ATAD3B: variants seen among roughly 807,000 people sequenced by gnomAD.
ATAD3B encodes the protein ATPase family AAA domain-containing protein 3B.
In ATAD3B, 59 loss-of-function variants were observed where a neutral mutation model predicts 70.2. The observed-to-expected ratio is 0.84, with a 90% CI of 0.68 to 1.04. ATAD3B has a LOEUF of 1.04. Ranked by LOEUF, ATAD3B falls within the 50% of genes least tolerant of loss-of-function variation. The pLI is 0.00. For synonymous variants in ATAD3B, 423 were observed against 388.6 expected, an observed-to-expected ratio of 1.09 and a Z score of -1.04; for missense variants, 961 against 913.4, an observed-to-expected ratio of 1.05 and a Z score of -0.67.
At chr1:1,484,144 T>C (rs1379809942) in intron 7 of ATAD3B, 1 of 151,880 alleles carries the variant, frequency 6.6e-6, no homozygotes, top group Non-Finnish European at 1.5e-5. Flanking sequence ...ATAACGAAAG[T>C]TTTTGCGAAA....
At chr1:1,506,572 T>G in the ATAD3B span, among the ~76,000 whole-genome samples, 1 of 151,884 alleles carries the variant, frequency 6.6e-6, no homozygotes, top group South Asian at 2.1e-4. Flanking sequence ...GTTTTCATTG[T>G]ACAAGTCTTT....
Position 1,489,245 on chromosome 1 carries a change from C to T in ATAD3B, c.1308C>T (p.Phe436=), listed in dbSNP as rs1640397303. Reference sequence around the variant, plus strand: ...ACCTCAGAGCCACACTGAACGCCTTCCTGTACCACATGGGCCAACACAGCA... The same window carrying T: ...ACCTCAGAGCCACACTGAACGCCTTTCTGTACCACATGGGCCAACACAGCA... ...SKDLRATLNA[F]LYHMGQHSNK... Residue 436 remains phenylalanine (F), a synonymous_variant, in exon 13 of 16, where the codon TTC becomes TTT. Coordinates refer to ENST00000673477, the MANE Select transcript of ATAD3B (RefSeq NM_031921.6). 1 of 1,613,596 alleles carries T rather than the reference C, an allele frequency of 6.2e-7. No individual in the cohort carries two copies. Among genetic ancestry groups the T allele is most frequent in the Non-Finnish European group, 8.5e-7 (1 of 1,179,642 alleles).
intron 5 of ATAD3B, among the ~76,000 whole-genome samples, 181 bp from the exon 6 acceptor site, chr1:1,481,957 T>TGTGG (rs1639928255): frequency 5.1e-5 from 7 of 137,816 alleles, no homozygotes; most frequent in African/African-American, 2.2e-4. Context: ...CGGTCCGTGG[T>TGTGG]GCGGGCCTGT....
At chr1:1,479,776 TACAC>T (rs1357501221) in intron 4 of ATAD3B, among the ~76,000 whole-genome samples, 1 of 130,548 alleles carries the variant, frequency 7.7e-6, no homozygotes, top group Non-Finnish European at 1.6e-5. Context: ...CATGGGGGCT[TACAC>T]ACCCCCCCGC....
chr1:1,504,898 C>T, the ATAD3B span, among the ~76,000 whole-genome samples: 3 of 152,062 alleles, frequency 2.0e-5, no homozygotes, highest in African/African-American at 4.8e-5. Flanking sequence ...TAAGCCACCG[C>T]GCCCAGTGCC....
Position 1,480,993 on chromosome 1 carries a change from G to A in ATAD3B, c.514+57G>A, listed in dbSNP as rs1452587001. ...GGTGGCGGGGGCTGCTTGTGGATCC[G>A]GCGTGCACTCTGAGCCTGAGTTCTG... On this transcript the variant is annotated intron_variant, in intron 5 of 15. Transcript: ENST00000673477. 13 of 1,574,886 alleles carry A rather than the reference G, an allele frequency of 8.3e-6. 2 individuals carry two copies. The highest frequency in any genetic ancestry group is 1.1e-5 in the South Asian group (1 of 87,760).
chr1:1,502,276 A>G (rs1640962143), downstream of ATAD3B, among the ~76,000 whole-genome samples: 4 of 150,726 alleles, frequency 2.7e-5, no homozygotes, highest in South Asian at 6.2e-4. Flanking sequence ...GTGCAGTGGC[A>G]TAACCTCGGC....
chr1:1,502,444 G>A (rs776983166), downstream of ATAD3B, among the ~76,000 whole-genome samples: 4 of 149,720 alleles, frequency 2.7e-5, no homozygotes, highest in African/African-American at 4.9e-5. Context: ...TCCTGACCTC[G>A]TGATCCACCC....
chr1:1,477,530 C>T (rs537522971), intron 2 of ATAD3B, among the ~76,000 whole-genome samples, 180 bp downstream of exon 2: 60 of 151,890 alleles, frequency 4.0e-4, no homozygotes, highest in African/African-American at 1.2e-3. Flanking sequence ...GAGACGCTGC[C>T]GCAGAGCCGC....
In ATAD3B at chr1:1,479,676, T is replaced by C. The variant is rs576561880; in HGVS notation, c.444+568T>C. Among the ~76,000 whole-genome samples the C allele has an allele frequency of 1.6e-5, 2 of 128,730 alleles. 1 individual carries two copies. The highest frequency in any genetic ancestry group is 6.3e-5 in the African/African-American group (2 of 31,994). The allele number at this position is 128,730 out of a possible 152,430, so 84.5% of individuals were successfully genotyped here. ...GTATGCAGACACACCCAAACACACATGGGTCCTCAGGCACACACTCCCGCA... is the reference window on the plus strand; with the variant it reads ...GTATGCAGACACACCCAAACACACACGGGTCCTCAGGCACACACTCCCGCA... On this transcript the variant is annotated intron_variant, in intron 4 of 15. Coordinates refer to ENST00000673477, the MANE Select transcript of ATAD3B (RefSeq NM_031921.6).
chr1:1,486,161 A>T lies in ATAD3B; in HGVS notation c.1015A>T (p.Lys339Ter). 3.1e-6 allele frequency: 5 copies of T among 1,613,226 alleles called. No homozygotes were observed. Among genetic ancestry groups the T allele is most frequent in the Non-Finnish European group, 4.2e-6 (5 of 1,179,644 alleles). Residue 339 changes from lysine (K) to a stop codon, truncating the protein, a stop_gained, in exon 10 of 16, where the codon AAG becomes TAG. Coordinates refer to ENST00000673477, the MANE Select transcript of ATAD3B (RefSeq NM_031921.6). LOFTEE classifies it high-confidence loss of function. ...CATCGCCATAGCAACCAGGAACACC[A>T]AGAAGAACCGGGGCCTGTACAGGCA... ...RDIAIATRNTKKNRGLYRHIL... is the reference protein window; with the variant it reads ...RDIAIATRNT
At position 1,480,411 on chromosome 1, in the gene ATAD3B, G is replaced by C. The variant is rs987271822; in HGVS notation, c.445-456G>C. Among the ~76,000 whole-genome samples, 38 of 146,484 alleles carry C rather than the reference G, an allele frequency of 2.6e-4. 3 individuals carry two copies. The highest frequency in any genetic ancestry group is 2.4e-4 in the Non-Finnish European group (16 of 66,962). On this transcript the variant is annotated intron_variant, in intron 4 of 15. Coordinates refer to ENST00000673477, the MANE Select transcript of ATAD3B (RefSeq NM_031921.6). ...AGGGCTGGTCAGTGGCGGCGGGCGGGTCTCTGGGTCTATGAGAAAAGCTTG... is the reference window on the plus strand; with the variant it reads ...AGGGCTGGTCAGTGGCGGCGGGCGGCTCTCTGGGTCTATGAGAAAAGCTTG...
chr1:1,482,022 T>C, intron 5 of ATAD3B, 116 bp from the exon 6 acceptor site: 1 of 1,452,256 alleles, frequency 6.9e-7, no homozygotes, highest in Non-Finnish European at 9.3e-7. Context: ...GGCCTGTCTG[T>C]GGCGTTGGTC....
At chr1:1,505,711 A>C in the ATAD3B span, among the ~76,000 whole-genome samples, 2 of 151,478 alleles carry the variant, frequency 1.3e-5, no homozygotes, top group African/African-American at 4.9e-5. Context: ...GTCGCTTCTC[A>C]CTATGTCCCT....
chr1:1,500,468 C>T (rs1276524701), downstream of ATAD3B, among the ~76,000 whole-genome samples: 17 of 147,968 alleles, frequency 1.1e-4, no homozygotes, highest in East Asian at 8.3e-4. Flanking sequence ...AGGAGAATGG[C>T]GTGAACCCAG....
chr1:1,494,487 C>G (rs1174102303), intron 15 of ATAD3B, among the ~76,000 whole-genome samples: 4 of 150,270 alleles, frequency 2.7e-5, no homozygotes, highest in South Asian at 4.3e-4. Flanking sequence ...CAGTGGCGGT[C>G]CGGCTCTGGT....
chr1:1,477,224 TTG>T, intron 1 of ATAD3B, 48 bp from the exon 2 acceptor site: 1 of 1,604,138 alleles, frequency 6.2e-7, no homozygotes, highest in Non-Finnish European at 8.5e-7. Context: ...TGGCCAGGCT[TTG>T]GTATCCGTGT....
intron 15 of ATAD3B, among the ~76,000 whole-genome samples, chr1:1,494,001 G>A (rs1640657332): frequency 6.6e-6 from 1 of 151,970 alleles, no homozygotes; most frequent in East Asian, 1.9e-4. Flanking sequence ...TCTTCTTAAT[G>A]TTTTGTGAAT....
At chr1:1,478,461 G>C in intron 2 of ATAD3B, 183 bp from the exon 3 acceptor site, 4 of 1,541,274 alleles carry the variant, frequency 2.6e-6, no homozygotes, top group South Asian at 2.4e-5. Context: ...TTCTGTGCCT[G>C]TGGGTCTGGA....
Sources: allele counts gnomAD v4.1 joint callset (sites outside exome capture counted in the v4.1 genomes callset), GRCh38; gene constraint gnomAD v4.1.1; transcripts MANE v1.5; gene names NCBI Gene and HGNC (gene_info 2026-07-23, HGNC 2026-07-21).